Variants in PM20D2 observed in about 807,000 individuals in gnomAD.
PM20D2 encodes the protein peptidase M20 domain containing 2.
PM20D2 carries 33 observed loss-of-function variants against 42.9 expected under a neutral mutation model. The ratio of observed to expected loss-of-function variants is 0.77; its 90% CI spans 0.58 to 1.03. The LOEUF is 1.03. PM20D2 is among the 50% of genes least tolerant of loss of function. The probability of loss-of-function intolerance (pLI) is 0.00; values close to 1 mark genes in which losing one functional copy is unlikely to be tolerated. For missense variants in PM20D2, 548 were observed against 557.0 expected, an observed-to-expected ratio of 0.98 and a Z score of 0.16; for synonymous variants, 250 against 228.2, an observed-to-expected ratio of 1.10 and a Z score of -0.86.
chr6:89,140,645 G>C, the PM20D2 span, among the ~76,000 whole-genome samples: 1 of 152,180 alleles, frequency 6.6e-6, no homozygotes, highest in Admixed American at 6.5e-5. Flanking sequence ...GCTGGGTTAC[G>C]TCTTTGCAGT....
chr6:89,113,340 A>G, the PM20D2 span, among the ~76,000 whole-genome samples: 1 of 151,978 alleles, frequency 6.6e-6, no homozygotes, highest in African/African-American at 2.4e-5. Flanking sequence ...CGCCCAGCTA[A>G]TTTTTATATT....
the PM20D2 span, among the ~76,000 whole-genome samples, chr6:89,120,147 A>G: frequency 6.6e-6 from 1 of 152,338 alleles, no homozygotes; most frequent in African/African-American, 2.4e-5. Context: ...TGATTCAGTT[A>G]TCTCCCTCTA....
At chr6:89,140,818 C>T in the PM20D2 span, among the ~76,000 whole-genome samples, 9 of 152,282 alleles carry the variant, frequency 5.9e-5, no homozygotes, top group East Asian at 1.9e-4. Flanking sequence ...GGTACCAGGA[C>T]ATTCAGGGCT....
the PM20D2 span, chr6:89,098,489 T>G: frequency 6.9e-7 from 1 of 1,457,498 alleles, no homozygotes; most frequent in Non-Finnish European, 9.1e-7. Context: ...CAACTCGCAT[T>G]TTCTGTATGC....
rs1475405665 is a variant in PM20D2, at chr6:89,163,801, T to A, written c.*1538T>A. 1.3e-5 allele frequency: 2 copies of A among 152,246 alleles called. No individual in the cohort carries two copies. The highest frequency in any genetic ancestry group is 4.1e-4 in the South Asian group (2 of 4,834). The allele number at this position is 152,246 out of a possible 1,614,324, so 9.4% of individuals were successfully genotyped here. A position where few individuals can be genotyped will look rare whatever the true frequency, so the allele number is the denominator to read the frequency against. ...ACATTTTTATTACATGCCTTTATAA[T>A]TTTTCATTGTTCACACCCTGTACTG... is the stretch of plus-strand genomic sequence containing the variant. On this transcript the variant is annotated 3_prime_UTR_variant, in exon 7 of 7. Transcript: ENST00000275072.
In PM20D2 at chr6:89,162,495, ATTCT is replaced by A. The variant is rs1771280446; in HGVS notation, c.*239_*242del. 1.1e-5 allele frequency: 4 copies of A among 359,520 alleles called. No individual in the cohort carries two copies. Among genetic ancestry groups the A allele is most frequent in the Non-Finnish European group, 2.0e-5 (4 of 201,122 alleles). 22.3% of individuals were successfully genotyped at this position (359,520 alleles called of 1,614,324 possible). A position where few individuals can be genotyped will look rare whatever the true frequency, so the allele number is the denominator to read the frequency against. Reference sequence around the variant, plus strand: ...ATTACAGGAGCTGGTATGTGATGCCATTCTTTCTTTTTTTTTACCCCGCAACCAC... The same window carrying A: ...ATTACAGGAGCTGGTATGTGATGCCATTCTTTTTTTTTACCCCGCAACCAC... On this transcript the variant is annotated 3_prime_UTR_variant, in exon 7 of 7. Coordinates refer to ENST00000275072, the MANE Select transcript of PM20D2 (RefSeq NM_001010853.3).
intron 1 of PM20D2, chr6:89,148,539 A>G (rs912534790): frequency 2.0e-6 from 2 of 983,628 alleles, no homozygotes; most frequent in Non-Finnish European, 1.2e-6. Context: ...TTGGTGACCA[A>G]TAAATCTGCC....
At chr6:89,146,931 G>GT (rs1247429447) in intron 1 of PM20D2, among the ~76,000 whole-genome samples, 1 of 152,222 alleles carries the variant, frequency 6.6e-6, no homozygotes, top group Non-Finnish European at 1.5e-5. Flanking sequence ...GTTATTTTTG[G>GT]TAACTGAGAG....
At chr6:89,116,047 G>A in the PM20D2 span, among the ~76,000 whole-genome samples, 83 of 152,312 alleles carry the variant, frequency 5.4e-4, no homozygotes, top group Admixed American at 1.8e-3. Context: ...TCAACAATAA[G>A]TCCAGATGTC....
In PM20D2 at chr6:89,163,605, A is replaced by G. The variant is rs1771319026; in HGVS notation, c.*1342A>G. On this transcript the variant is annotated 3_prime_UTR_variant, in exon 7 of 7. Coordinates refer to ENST00000275072, the MANE Select transcript of PM20D2 (RefSeq NM_001010853.3). ...AGCAGTCCTCCCACCTCAGCCTCCT[A>G]AAGCACTGGGATTACAGGCTTGAGG... 6.6e-6 allele frequency: 1 copy of G among 152,244 alleles called. No homozygotes were observed. Among genetic ancestry groups the G allele is most frequent in the Non-Finnish European group, 1.5e-5 (1 of 68,132 alleles). 9.4% of individuals were successfully genotyped at this position (152,244 alleles called of 1,614,324 possible).
chr6:89,146,412 G>A lies in PM20D2; in HGVS notation c.268G>A (p.Glu90Lys), dbSNP rs780230559. ...CCAGCTGCCCACGGCCTTCCGCGCC[G>A]AGTGGGAGCCGCCGGAGGCCCGGGC... ...HYQLPTAFRA[E>K]WEPPEARAPS... The change falls in exon 1 of 7, where the codon GAG (glutamate) becomes AAG (lysine). Residue 90 changes from glutamate (E) to lysine (K), a missense_variant. Physicochemically the swap from Glu to Lys is moderately conservative, Grantham distance 56. Around this residue, in one of 3 missense-constraint regions of PM20D2, gnomAD observed 470 missense variants for 464.4 expected, o/e 1.01. Coordinates refer to ENST00000275072, the MANE Select transcript of PM20D2 (RefSeq NM_001010853.3). The A allele has an allele frequency of 2.0e-6, 3 of 1,525,264 alleles. No homozygotes were observed. Among genetic ancestry groups the A allele is most frequent in the South Asian group, 1.2e-5 (1 of 82,850 alleles). The allele number at this position is 1,525,264 out of a possible 1,614,324, so 94.5% of individuals were successfully genotyped here.
the PM20D2 span, among the ~76,000 whole-genome samples, chr6:89,104,207 A>T: frequency 6.8e-6 from 1 of 147,278 alleles, no homozygotes; most frequent in Non-Finnish European, 1.5e-5. Context: ...AATTTTATTT[A>T]TCTAAAACTC....
chr6:89,115,501 C>G, the PM20D2 span, among the ~76,000 whole-genome samples: 2 of 151,942 alleles, frequency 1.3e-5, no homozygotes, highest in South Asian at 4.1e-4. Flanking sequence ...AGGTTGGTCT[C>G]GAACCCCTCA....
At chr6:89,143,008 G>A (rs188828334), upstream of PM20D2, among the ~76,000 whole-genome samples, 1 of 152,300 alleles carries the variant, frequency 6.6e-6, no homozygotes, top group East Asian at 1.9e-4. Flanking sequence ...ATCCTGCACT[G>A]AAGCTCTCTG....
the PM20D2 span, among the ~76,000 whole-genome samples, chr6:89,099,443 CAT>C: frequency 0.21 from 29,339 of 138,630 alleles, 3,952 homozygotes; most frequent in East Asian, 0.66. Context: ...TATATATACA[CAT>C]ATATATGTGT....
At chr6:89,116,791 C>T in the PM20D2 span, among the ~76,000 whole-genome samples, 4 of 145,386 alleles carry the variant, frequency 2.8e-5, no homozygotes, top group East Asian at 5.9e-4. Flanking sequence ...AAAAAAAAAA[C>T]TAAAAAATAA....
At chr6:89,106,359 C>T in the PM20D2 span, among the ~76,000 whole-genome samples, 9 of 152,108 alleles carry the variant, frequency 5.9e-5, no homozygotes, top group Admixed American at 1.3e-4. Flanking sequence ...GTGATCCACC[C>T]GCCTCAGCCT....
intron 3 of PM20D2, among the ~76,000 whole-genome samples, chr6:89,153,802 A>G (rs780120611): frequency 6.6e-6 from 1 of 152,106 alleles, no homozygotes; most frequent in Non-Finnish European, 1.5e-5. Flanking sequence ...GGGTCTTGCT[A>G]TGTTGGCCAG....
chr6:89,147,343 A>G (rs937436505), intron 1 of PM20D2, among the ~76,000 whole-genome samples: 1 of 152,208 alleles, frequency 6.6e-6, no homozygotes, highest in Non-Finnish European at 1.5e-5. Context: ...TTCAATCGTC[A>G]TTCAGTTAAG....
Sources: allele counts gnomAD v4.1 joint callset (sites outside exome capture counted in the v4.1 genomes callset), GRCh38; gene constraint gnomAD v4.1.1; regional missense constraint gnomAD v4.1.1; transcripts MANE v1.5; gene names NCBI Gene and HGNC (gene_info 2026-07-23, HGNC 2026-07-21).